Variants in SLC29A4 observed in about 807,000 individuals in gnomAD.
SLC29A4 encodes equilibrative nucleoside transporter 4.
In SLC29A4, 36 loss-of-function variants were observed where a neutral mutation model predicts 43.9. That is an observed-to-expected ratio of 0.82 (90% CI 0.63 to 1.08). The LOEUF is 1.08. Ranked by LOEUF, SLC29A4 falls within the 50% of genes least tolerant of loss-of-function variation. The pLI, the probability that SLC29A4 is intolerant of heterozygous loss-of-function variation, is 0.00. For synonymous variants in SLC29A4, 491 were observed against 338.0 expected (o/e 1.45, Z -4.97); for missense variants, 869 against 755.3 (o/e 1.15, Z -1.77).
chr7:5,303,096 G>A lies in SLC29A4; in HGVS notation c.*157G>A. ...TCAGGGTCCAGCCATGCCCCACCCT[G>A]GACTGAAGTTCTGCAAAGTCCTCCG... On this transcript the variant is annotated 3_prime_UTR_variant, in exon 11 of 11. Coordinates refer to ENST00000396872, the MANE Select transcript of SLC29A4 (RefSeq NM_153247.4). 1.1e-6 allele frequency: 1 copy of A among 884,616 alleles called. No individual in the cohort carries two copies. Among genetic ancestry groups the A allele is most frequent in the South Asian group, 1.7e-5 (1 of 59,098 alleles). 54.8% of individuals were successfully genotyped at this position (884,616 alleles called of 1,614,324 possible). A position where few individuals can be genotyped will look rare whatever the true frequency, so the allele number is the denominator to read the frequency against.
At chr7:5,297,222 G>A in intron 7 of SLC29A4, 24 bp downstream of exon 7, 1 of 1,533,346 alleles carries the variant, frequency 6.5e-7, no homozygotes. Context: ...GCCCACCTCT[G>A]TTCCCTTCTC....
intron 5 of SLC29A4, 57 bp from the exon 6 acceptor site, chr7:5,294,803 C>G: frequency 6.3e-7 from 1 of 1,575,248 alleles, no homozygotes; most frequent in South Asian, 1.1e-5. Flanking sequence ...GTGCATTTCT[C>G]CCAAGTTGAC....
Position 5,289,336 on chromosome 7 carries a change from G to A in SLC29A4, c.169+1351G>A, listed in dbSNP as rs537774054. 3.9e-5 allele frequency among the ~76,000 whole-genome samples: 6 copies of A among 152,260 alleles called. No individual in the cohort carries two copies. In the South Asian group the frequency reaches 1.0e-3, roughly 26 times the overall value. On this transcript the variant is annotated intron_variant, in intron 2 of 10. Coordinates refer to ENST00000396872, the MANE Select transcript of SLC29A4 (RefSeq NM_153247.4). ...CACTTGAGCCCAGGAGGGGGTGGTC[G>A]TAGTGAGCCAAGGTCATGCCACTGC...
At position 5,287,855 on chromosome 7, in the gene SLC29A4, C is replaced by T. The variant is rs772702987; in HGVS notation, c.39C>T (p.Ser13=). 16 of 1,611,842 alleles carry T rather than the reference C, an allele frequency of 9.9e-6. No individual in the cohort carries two copies. The highest frequency in any genetic ancestry group is 8.9e-5 in the East Asian group (4 of 44,894). The change falls in exon 2 of 11, where the codon AGC becomes AGT. Residue 13 remains serine, a synonymous_variant. Coordinates refer to ENST00000396872, the MANE Select transcript of SLC29A4 (RefSeq NM_153247.4). ...GGAGCCAGCGCCTTGAGGAGCCCAG[C>T]GTGGCAGGCACACCAGACCCGGGCG... ...SVGSQRLEEP[S]VAGTPDPGVV...
intron 9 of SLC29A4, among the ~76,000 whole-genome samples, 168 bp downstream of exon 9, chr7:5,299,595 C>T (rs936846780): frequency 1.1e-4 from 16 of 152,146 alleles, no homozygotes; most frequent in Non-Finnish European, 1.8e-4. Flanking sequence ...CTCTGGAGGG[C>T]GGCCCTGGCC....
In SLC29A4 at chr7:5,302,860, C is replaced by T; in HGVS notation, c.1514C>T (p.Thr505Ile). The T allele has an allele frequency of 6.2e-7, 1 of 1,600,218 alleles. No individual in the cohort carries two copies. The highest frequency in any genetic ancestry group is 8.5e-7 in the Non-Finnish European group (1 of 1,173,896). Reference protein sequence around the residue: ...LTLGSAVAYCTYSLTRDAHGS... With the variant: ...LTLGSAVAYCIYSLTRDAHGS... ...CTGGGGTCCGCCGTGGCCTACTGCA[C>T]CTACAGCCTCACCCGCGACGCTCAC... Residue 505 changes from threonine to isoleucine, a missense_variant, in exon 11 of 11, where the codon ACC (threonine) becomes ATC (isoleucine). Physicochemically the swap from Thr to Ile is moderately conservative, Grantham distance 89 (BLOSUM62 -1). Transcript: ENST00000396872.
At chr7:5,292,953 C>T (rs1785403455) in intron 5 of SLC29A4, among the ~76,000 whole-genome samples, 1 of 151,274 alleles carries the variant, frequency 6.6e-6, no homozygotes, top group East Asian at 1.9e-4. Flanking sequence ...CCCACCTCAG[C>T]CTCCCAAAGT....
intron 10 of SLC29A4, 37 bp from the exon 11 acceptor site, chr7:5,302,760 C>A: frequency 6.5e-7 from 1 of 1,535,752 alleles, no homozygotes; most frequent in South Asian, 1.2e-5. Flanking sequence ...AGGTGGCCGC[C>A]CTGGCCCTGC....
chr7:5,297,939 A>C (rs6978532), intron 7 of SLC29A4, among the ~76,000 whole-genome samples: 85,868 of 152,070 alleles, frequency 0.56, 24,536 homozygotes, highest in South Asian at 0.72. Context: ...GGGCAGGCAG[A>C]CGTCCTTGGG....
chr7:5,292,542 G>C (rs923414733), intron 5 of SLC29A4, among the ~76,000 whole-genome samples: 4 of 151,908 alleles, frequency 2.6e-5, no homozygotes, highest in African/African-American at 7.3e-5. Context: ...CCGTCTCTCT[G>C]TACTTAAATT....
chr7:5,294,120 T>C (rs563697276), intron 5 of SLC29A4, among the ~76,000 whole-genome samples: 2 of 148,560 alleles, frequency 1.3e-5, no homozygotes, highest in African/African-American at 4.9e-5. Context: ...AAAAAAAAAA[T>C]TGTAAAGACA....
intron 1 of SLC29A4, among the ~76,000 whole-genome samples, chr7:5,283,865 C>T (rs1213302311): frequency 6.6e-6 from 1 of 152,218 alleles, no homozygotes; most frequent in African/African-American, 2.4e-5. Flanking sequence ...TCCCCTGGTC[C>T]TTCCTGGCTG....
Position 5,290,230 on chromosome 7 carries a change from T to G in SLC29A4, c.170-502T>G, listed in dbSNP as rs574251468. 7.9e-5 allele frequency among the ~76,000 whole-genome samples: 12 copies of G among 152,158 alleles called. No homozygotes were observed. In the East Asian group the frequency reaches 1.2e-3, roughly 15 times the overall value. ...TACCATGCCTGGCTAATTTTTTGGG[T>G]TTTTTTGTATTTTTAGTAGAGATGG... On this transcript the variant is annotated intron_variant, in intron 2 of 10. Transcript: ENST00000396872.
chr7:5,290,892 A>G, intron 3 of SLC29A4, 29 bp downstream of exon 3: 1 of 1,586,372 alleles, frequency 6.3e-7, no homozygotes, highest in Non-Finnish European at 8.6e-7. Context: ...ACGCCCAGCC[A>G]CTCAGCATCC....
intron 3 of SLC29A4, 66 bp from the exon 4 acceptor site, chr7:5,291,058 A>G: frequency 6.3e-7 from 1 of 1,583,726 alleles, no homozygotes; most frequent in Non-Finnish European, 8.7e-7. Flanking sequence ...GGGAGGTCTC[A>G]CCTGGCAGGA....
In SLC29A4 at chr7:5,299,222, C is replaced by T; in HGVS notation, c.1022-18C>T. 6.2e-7 allele frequency: 1 copy of T among 1,604,432 alleles called. No homozygotes were observed. The highest frequency in any genetic ancestry group is 1.1e-5 in the South Asian group (1 of 90,452). On this transcript the variant is annotated intron_variant, in intron 8 of 10. Coordinates refer to ENST00000396872, the MANE Select transcript of SLC29A4 (RefSeq NM_153247.4). ...TCCCCGTGGGCGCTGCCTCTGACCCCCGCCCGCCACCCTCCAGCCCTGTTA... is the reference window on the plus strand; with the variant it reads ...TCCCCGTGGGCGCTGCCTCTGACCCTCGCCCGCCACCCTCCAGCCCTGTTA...
intron 1 of SLC29A4, among the ~76,000 whole-genome samples, chr7:5,284,217 C>G (rs1221099373): frequency 6.6e-6 from 1 of 152,200 alleles, no homozygotes; most frequent in Non-Finnish European, 1.5e-5. Context: ...GACCCCACCT[C>G]TACAAAAATA....
At chr7:5,283,463 T>TAGGCTCC (rs1554260884) in intron 1 of SLC29A4, among the ~76,000 whole-genome samples, 3 of 151,940 alleles carry the variant, frequency 2.0e-5, no homozygotes, top group African/African-American at 7.2e-5. Context: ...AGGCGGGGCC[T>TAGGCTCC]GGGCTCCGGG....
chr7:5,306,218 A>G lies in SLC29A4; in HGVS notation c.*3279A>G, dbSNP rs1425358958. On this transcript the variant is annotated 3_prime_UTR_variant, in exon 11 of 11. Transcript: ENST00000396872. The stretch of plus-strand genomic sequence containing the variant: ...TTTTTTTTTTTTTTTTTTTTTTTTG[A>G]GACAATCTCTGTCACCCCCAGGCCA... 2.1e-5 allele frequency: 1 copy of G among 46,588 alleles called. No individual in the cohort carries two copies. Among genetic ancestry groups the G allele is most frequent in the Non-Finnish European group, 4.0e-5 (1 of 24,698 alleles). The allele number at this position is 46,588 out of a possible 1,614,324, so 2.9% of individuals were successfully genotyped here. A position where few individuals can be genotyped will look rare whatever the true frequency, so the allele number is the denominator to read the frequency against.
Sources: gnomAD v4.1 joint callset for allele counts (sites outside exome capture counted in the v4.1 genomes callset) on GRCh38, gnomAD v4.1.1 for gene constraint, MANE v1.5 for transcripts, NCBI Gene and HGNC (gene_info 2026-07-23, HGNC 2026-07-21) for gene names.